The following ALMS1 variants were observed in gnomAD, a reference collection of about 807,000 sequenced individuals.
The protein encoded by ALMS1 is centrosome-associated protein ALMS1.
ALMS1 carries 271 observed loss-of-function variants against 352.2 expected under a neutral mutation model. The observed-to-expected ratio is 0.77, with a 90% confidence interval of 0.70 to 0.85. ALMS1 has a LOEUF of 0.85. Among genes scored for constraint, ALMS1 ranks in the 40% least tolerant of loss-of-function variants. The probability of loss-of-function intolerance (pLI) is 0.00; values close to 1 mark genes in which losing one functional copy is unlikely to be tolerated. For synonymous variants in ALMS1, 1,865 were observed against 1,761.2 expected, an observed-to-expected ratio of 1.06 and a Z score of -1.48; for missense variants, 5,445 against 4,870.7, an observed-to-expected ratio of 1.12 and a Z score of -3.51.
intron 3 of ALMS1, 35 bp from the exon 4 acceptor site, chr2:73,422,822 G>A (rs770909068): frequency 6.6e-7 from 1 of 1,513,330 alleles, no homozygotes; most frequent in Admixed American, 1.7e-5. Context: ...TCAATTTTCA[G>A]CATTACCCAG....
intron 9 of ALMS1, among the ~76,000 whole-genome samples, chr2:73,456,371 A>G (rs1209090216): frequency 6.6e-6 from 1 of 152,130 alleles, no homozygotes; most frequent in African/African-American, 2.4e-5. Flanking sequence ...TGATTACATG[A>G]TAATTTATTC....
Position 73,452,764 on chromosome 2 carries a change from A to G in ALMS1, c.6237A>G (p.Glu2079=). ...KGILKISAVP[E]LTDVNTGKPV... The stretch of plus-strand genomic sequence containing the variant: ...TTCTAAAGATTTCAGCTGTCCCTGA[A>G]CTAACTGATGTGAATACTGGAAAAC... Residue 2079 remains glutamate, a synonymous_variant, in exon 8 of 23, where the codon GAA becomes GAG. Coordinates refer to ENST00000613296, the MANE Select transcript of ALMS1 (RefSeq NM_001378454.1). 1 of 1,613,490 alleles carries G rather than the reference A, an allele frequency of 6.2e-7. No homozygotes were observed. Among genetic ancestry groups the G allele is most frequent in the Admixed American group, 1.7e-5 (1 of 59,978 alleles).
chr2:73,472,633 G>A (rs931375958), intron 9 of ALMS1, among the ~76,000 whole-genome samples: 4 of 152,000 alleles, frequency 2.6e-5, no homozygotes, highest in African/African-American at 7.2e-5. Flanking sequence ...GTAGGGAGCT[G>A]TAGCGCTGCA....
chr2:73,525,853 A>G (rs1294752751), intron 11 of ALMS1, among the ~76,000 whole-genome samples: 1 of 152,140 alleles, frequency 6.6e-6, no homozygotes, highest in East Asian at 1.9e-4. Context: ...CTTTGCCAAT[A>G]TTTAATGTCC....
At chr2:73,580,219 A>G (rs1401529675) in intron 16 of ALMS1, among the ~76,000 whole-genome samples, 2 of 152,126 alleles carry the variant, frequency 1.3e-5, no homozygotes, top group Non-Finnish European at 2.9e-5. Flanking sequence ...CTGGGACTAC[A>G]AGGCATGCAC....
intron 9 of ALMS1, among the ~76,000 whole-genome samples, chr2:73,474,732 G>C (rs1226679793): frequency 2.6e-5 from 4 of 152,050 alleles, no homozygotes; most frequent in African/African-American, 9.7e-5. Context: ...TTGTGAAATA[G>C]CATCTGGAAA....
chr2:73,535,396 G>T (rs1674006785), intron 12 of ALMS1, among the ~76,000 whole-genome samples: 1 of 151,938 alleles, frequency 6.6e-6, no homozygotes, highest in African/African-American at 2.4e-5. Context: ...AAAAAAATTT[G>T]TTCATAAATA....
intron 16 of ALMS1, among the ~76,000 whole-genome samples, chr2:73,576,350 A>G (rs774411729): frequency 1.3e-5 from 2 of 152,170 alleles, no homozygotes; most frequent in African/African-American, 2.4e-5. Flanking sequence ...TAATACTACC[A>G]TATGTGCAAT....
At chr2:73,548,518 A>G (rs538384089) in intron 12 of ALMS1, among the ~76,000 whole-genome samples, 3 of 152,178 alleles carry the variant, frequency 2.0e-5, no homozygotes, top group Non-Finnish European at 4.4e-5. Context: ...TGAAAGGGTC[A>G]TCTCTCTTGG....
Position 73,609,804 on chromosome 2 carries a change from C to T in ALMS1, c.*192C>T, listed in dbSNP as rs1473995292. 1.6e-6 allele frequency: 1 copy of T among 608,668 alleles called. No individual in the cohort carries two copies. The highest frequency in any genetic ancestry group is 2.9e-6 in the Non-Finnish European group (1 of 341,036). 37.7% of individuals were successfully genotyped at this position (608,668 alleles called of 1,614,324 possible). A position where few individuals can be genotyped will look rare whatever the true frequency, so the allele number is the denominator to read the frequency against. On this transcript the variant is annotated 3_prime_UTR_variant, in exon 23 of 23. Transcript: ENST00000613296. Reference sequence around the variant, plus strand: ...AATGGTTTGGGAGCAATACTTTCTGCATAGTGGCCTTGTCCAATGGCCTGT... The same window carrying T: ...AATGGTTTGGGAGCAATACTTTCTGTATAGTGGCCTTGTCCAATGGCCTGT...
rs751415466 is a variant in ALMS1, at chr2:73,386,010, G to A, written c.142G>A (p.Glu48Lys). Residue 48 changes from glutamate (E) to lysine (K), a missense_variant, in exon 1 of 23, where the codon GAA (glutamate) becomes AAA (lysine). Transcript: ENST00000613296. Reference sequence around the variant, plus strand: ...CGTAGTGGTCGTGGAGGAGGTGGAGGAAGAGGCGGGGCGGGAGTTGGACTC... The same window carrying A: ...CGTAGTGGTCGTGGAGGAGGTGGAGAAAGAGGCGGGGCGGGAGTTGGACTC... ...DDVVVVEEVE[E>K]EAGRELDSDS... 1.3e-6 allele frequency: 2 copies of A among 1,560,448 alleles called. No individual in the cohort carries two copies. Among genetic ancestry groups the A allele is most frequent in the East Asian group, 2.4e-5 (1 of 41,364 alleles).
chr2:73,492,701 A>C (rs771847401), intron 10 of ALMS1, among the ~76,000 whole-genome samples: 1 of 152,232 alleles, frequency 6.6e-6, no homozygotes, highest in Non-Finnish European at 1.5e-5. Flanking sequence ...TCTGATTTCA[A>C]TGTTAAAAAT....
At chr2:73,563,296 T>C (rs1674704946) in intron 15 of ALMS1, among the ~76,000 whole-genome samples, 1 of 152,194 alleles carries the variant, frequency 6.6e-6, no homozygotes, top group African/African-American at 2.4e-5. Context: ...AGAGGTATAT[T>C]TTTATACTGA....
In ALMS1 at chr2:73,601,170, T is replaced by G. The variant is rs367650718; in HGVS notation, c.11873-25T>G. The stretch of plus-strand genomic sequence containing the variant: ...CTGTAAAAAAGTGAAAAATCTGTGT[T>G]CCTTCTAAAAACTGTTTCCTGTAGG... On this transcript the variant is annotated intron_variant, in intron 18 of 22. Transcript: ENST00000613296. The G allele has an allele frequency of 1.8e-4, 289 of 1,613,782 alleles. No individual in the cohort carries two copies. The highest frequency in any genetic ancestry group is 2.3e-4 in the Non-Finnish European group (275 of 1,180,016).
chr2:73,397,033 C>G (rs1670778620), intron 1 of ALMS1, among the ~76,000 whole-genome samples: 1 of 152,138 alleles, frequency 6.6e-6, no homozygotes. Context: ...TCCCCAACCC[C>G]CTCCCCCTAA....
At chr2:73,442,696 A>G (rs529441333) in intron 7 of ALMS1, among the ~76,000 whole-genome samples, 83 of 152,334 alleles carry the variant, frequency 5.4e-4, no homozygotes, top group South Asian at 1.2e-3. Flanking sequence ...GTAGTGACAT[A>G]GTAGGAAACA....
At chr2:73,479,047 C>T (rs952804170) in intron 9 of ALMS1, among the ~76,000 whole-genome samples, 4 of 152,082 alleles carry the variant, frequency 2.6e-5, no homozygotes, top group Non-Finnish European at 5.9e-5. Flanking sequence ...GCATAGTATT[C>T]CATGGTATAT....
chr2:73,564,037 T>A (rs999858605), intron 15 of ALMS1, among the ~76,000 whole-genome samples: 3 of 151,842 alleles, frequency 2.0e-5, no homozygotes, highest in Non-Finnish European at 4.4e-5. Flanking sequence ...GTGGGGTGTG[T>A]GTGGCTGTGT....
At chr2:73,395,823 T>G (rs1670748522) in intron 1 of ALMS1, among the ~76,000 whole-genome samples, 1 of 152,148 alleles carries the variant, frequency 6.6e-6, no homozygotes, top group Non-Finnish European at 1.5e-5. Context: ...TAGTAAAATA[T>G]TCAATAGGAG....
Sources: allele counts gnomAD v4.1 joint callset (sites outside exome capture counted in the v4.1 genomes callset), GRCh38; gene constraint gnomAD v4.1.1; transcripts MANE v1.5; gene names NCBI Gene and HGNC (gene_info 2026-07-23, HGNC 2026-07-21).